CCDC91: variants seen among roughly 807,000 people sequenced by gnomAD.
The protein encoded by CCDC91 is coiled-coil domain-containing protein 91.
CCDC91 carries 48 observed loss-of-function variants against 63.2 expected under a neutral mutation model. The observed-to-expected ratio is 0.76, with a 90% CI of 0.60 to 0.97. CCDC91 has a LOEUF of 0.97. Ranked by LOEUF, CCDC91 falls within the 50% of genes least tolerant of loss-of-function variation. CCDC91 has a pLI of 0.00. For synonymous variants in CCDC91, 167 were observed against 165.8 expected, an observed-to-expected ratio of 1.01 and a Z score of -0.06; for missense variants, 500 against 494.6, an observed-to-expected ratio of 1.01 and a Z score of -0.10.
chr12:28,190,815 C>T (rs1941154177), intron 1 of CCDC91, 174 bp downstream of exon 1: 1 of 152,274 alleles, frequency 6.6e-6, no homozygotes, highest in Admixed American at 6.5e-5. Context: ...GCGTGACCAA[C>T]CTCCTGCGGG....
intron 3 of CCDC91, among the ~76,000 whole-genome samples, chr12:28,283,378 G>T (rs1251932057): frequency 2.6e-5 from 4 of 151,860 alleles, no homozygotes; most frequent in African/African-American, 9.7e-5. Flanking sequence ...TATCATCTAT[G>T]ATTTCTTTCA....
intron 12 of CCDC91, among the ~76,000 whole-genome samples, chr12:28,496,940 A>C (rs976374953): frequency 7.2e-6 from 1 of 138,564 alleles, no homozygotes; most frequent in East Asian, 2.0e-4. Context: ...ACATATATAT[A>C]TACATATATA....
chr12:28,190,662 C>T (rs1359426387), intron 1 of CCDC91, 21 bp downstream of exon 1: 3 of 152,662 alleles, frequency 2.0e-5, no homozygotes, highest in South Asian at 2.1e-4. Flanking sequence ...GCTCGCCTTC[C>T]GGGGCCTGGG....
At chr12:28,535,347 A>G (rs907527191) in intron 12 of CCDC91, among the ~76,000 whole-genome samples, 1 of 152,218 alleles carries the variant, frequency 6.6e-6, no homozygotes, top group Non-Finnish European at 1.5e-5. Flanking sequence ...CTATATGATA[A>G]TAGTCTGCAT....
At chr12:28,421,407 T>A (rs1947999989) in intron 8 of CCDC91, among the ~76,000 whole-genome samples, 1 of 152,026 alleles carries the variant, frequency 6.6e-6, no homozygotes, top group Admixed American at 6.6e-5. Flanking sequence ...TCCCTTCTTT[T>A]TGTCCATGTA....
At chr12:28,478,967 G>A (rs985411687) in intron 11 of CCDC91, among the ~76,000 whole-genome samples, 24 of 152,088 alleles carry the variant, frequency 1.6e-4, no homozygotes, top group Admixed American at 1.4e-3. Flanking sequence ...GAAACAACAG[G>A]TGCTGGAGAG....
At chr12:28,420,329 G>T (rs1172942763) in intron 8 of CCDC91, among the ~76,000 whole-genome samples, 1 of 152,124 alleles carries the variant, frequency 6.6e-6, no homozygotes, top group Admixed American at 6.6e-5. Context: ...AGATTAAATG[G>T]ATATGTTTGA....
chr12:28,531,343 A>G (rs1446000382), intron 12 of CCDC91, among the ~76,000 whole-genome samples: 1 of 152,202 alleles, frequency 6.6e-6, no homozygotes, highest in African/African-American at 2.4e-5. Flanking sequence ...TCGACAAATT[A>G]TCAAAATTTT....
At chr12:28,468,105 A>T (rs1950632220) in intron 11 of CCDC91, among the ~76,000 whole-genome samples, 1 of 152,010 alleles carries the variant, frequency 6.6e-6, no homozygotes, top group Non-Finnish European at 1.5e-5. Context: ...AATCAATGAA[A>T]CTGACATGAA....
intron 6 of CCDC91, among the ~76,000 whole-genome samples, chr12:28,343,232 A>G (rs1004133246): frequency 2.0e-5 from 3 of 151,546 alleles, no homozygotes. Context: ...AAATACATAT[A>G]CAACCCCTCT....
chr12:28,411,041 G>A (rs812002), intron 8 of CCDC91, among the ~76,000 whole-genome samples: 136,707 of 152,048 alleles, frequency 0.9, 62,739 homozygotes, highest in East Asian at 1. Context: ...GGTTGCTTTA[G>A]AGGGAGGTTA....
At chr12:28,546,704 T>C (rs191034417) in intron 12 of CCDC91, among the ~76,000 whole-genome samples, 1 of 152,106 alleles carries the variant, frequency 6.6e-6, no homozygotes, top group East Asian at 1.9e-4. Flanking sequence ...CTGTTACATA[T>C]ATTATAACTA....
chr12:28,263,917 A>G (rs1028351784), intron 3 of CCDC91, among the ~76,000 whole-genome samples: 4 of 152,020 alleles, frequency 2.6e-5, no homozygotes, highest in African/African-American at 9.7e-5. Context: ...AAAGAAGGCA[A>G]AACCAAACTT....
At position 28,362,279 on chromosome 12, in the gene CCDC91, T is replaced by TA. The variant is rs1286050054; in HGVS notation, c.577-159_577-158insA. Among the ~76,000 whole-genome samples the TA allele has an allele frequency of 7.7e-5, 8 of 104,512 alleles. No individual in the cohort carries two copies. The East Asian group carries it at 1.7e-3, about 22-fold the overall frequency. 68.6% of individuals were successfully genotyped at this position (104,512 alleles called of 152,430 possible). On this transcript the variant is annotated intron_variant, in intron 6 of 12. Coordinates refer to ENST00000536442, the MANE Select transcript of CCDC91 (RefSeq NM_018318.5). Reference sequence around the variant, plus strand: ...GTTCTCCAATGCTTTTAAGCAAAGCTTTATATATATATATATGTTTTCTCT... The same window carrying TA: ...GTTCTCCAATGCTTTTAAGCAAAGCTATTATATATATATATATGTTTTCTCT...
chr12:28,309,567 A>G (rs1159369340), intron 6 of CCDC91, among the ~76,000 whole-genome samples: 1 of 151,956 alleles, frequency 6.6e-6, no homozygotes, highest in Non-Finnish European at 1.5e-5. Flanking sequence ...TCTCTAACCT[A>G]TTGCTCCTAG....
chr12:28,209,223 A>G (rs1002691309), intron 1 of CCDC91, among the ~76,000 whole-genome samples: 14 of 152,230 alleles, frequency 9.2e-5, no homozygotes, highest in African/African-American at 2.7e-4. Context: ...AAACAAATCA[A>G]TTCAATCTTG....
At position 28,550,096 on chromosome 12, in the gene CCDC91, A is replaced by G. The variant is rs145157475; in HGVS notation, c.*923A>G. 6.6e-6 allele frequency: 1 copy of G among 152,518 alleles called. No individual in the cohort carries two copies. Among genetic ancestry groups the G allele is most frequent in the African/African-American group, 2.4e-5 (1 of 41,458 alleles). The allele number at this position is 152,518 out of a possible 1,614,324, so 9.4% of individuals were successfully genotyped here. The stretch of plus-strand genomic sequence containing the variant: ...CAAATGTTTTATCTTATTTTCTGAA[A>G]TGCATCTACTTTCATGGGCTTTGTA... On this transcript the variant is annotated 3_prime_UTR_variant, in exon 13 of 13. Coordinates refer to ENST00000536442, the MANE Select transcript of CCDC91 (RefSeq NM_018318.5).
At chr12:28,376,837 A>G (rs1944978375) in intron 7 of CCDC91, among the ~76,000 whole-genome samples, 1 of 151,810 alleles carries the variant, frequency 6.6e-6, no homozygotes, top group African/African-American at 2.4e-5. Context: ...CATCCTAAAT[A>G]ACATTTGGGA....
intron 1 of CCDC91, chr12:28,256,203 G>A (rs1946430075): frequency 6.6e-6 from 1 of 152,080 alleles, no homozygotes; most frequent in Non-Finnish European, 1.5e-5. Context: ...TTGTTGTACA[G>A]ATTATTTTGT....
Sources: gnomAD v4.1 joint callset for allele counts (sites outside exome capture counted in the v4.1 genomes callset) on GRCh38, gnomAD v4.1.1 for gene constraint, MANE v1.5 for transcripts, NCBI Gene and HGNC (gene_info 2026-07-23, HGNC 2026-07-21) for gene names.